The following ZNF814 variants were observed in gnomAD, a reference collection of about 807,000 sequenced individuals.
ZNF814 encodes zinc finger protein 814.
In ZNF814, 5 loss-of-function variants were observed where a neutral mutation model predicts 7.5. That is an observed-to-expected ratio of 0.67 (90% CI 0.35 to 1.40). ZNF814 has a LOEUF of 1.40. Ranked by LOEUF, ZNF814 falls within the 40% of genes most tolerant of loss-of-function variation. The probability of loss-of-function intolerance (pLI) is 0.04; values close to 1 mark genes in which losing one functional copy is unlikely to be tolerated. For missense variants in ZNF814, 962 were observed against 1,018.0 expected (o/e 0.94, Z 0.75); for synonymous variants, 315 against 340.7 (o/e 0.92, Z 0.83).
chr19:57,902,807 CCCA>C, the ZNF814 span, among the ~76,000 whole-genome samples: 1 of 151,710 alleles, frequency 6.6e-6, no homozygotes, highest in Non-Finnish European at 1.5e-5. Flanking sequence ...ACTACAGGCG[CCCA>C]CCACCATGCC....
Position 57,888,797 on chromosome 19 carries a change from A to C in ZNF814, c.6T>G (p.Ala2=), listed in dbSNP as rs1568522491. The change falls in exon 1 of 3, where the codon GCT becomes GCG. Residue 2 remains alanine, a synonymous_variant. Coordinates refer to ENST00000435989, the MANE Select transcript of ZNF814 (RefSeq NM_001144989.2). ...CGGAGAGCCTCAGCGTAGCCGCGGC[A>C]GCCATCGAACCACGTGGTTTTAAGC... M[A]AAATLRLSAQ... The C allele has an allele frequency of 6.4e-7, 1 of 1,551,946 alleles. No homozygotes were observed. Among genetic ancestry groups the C allele is most frequent in the South Asian group, 1.2e-5 (1 of 84,056 alleles).
chr19:57,876,131 G>A (rs2071605847), intron 2 of ZNF814, among the ~76,000 whole-genome samples: 2 of 151,672 alleles, frequency 1.3e-5, no homozygotes, highest in Admixed American at 1.3e-4. Flanking sequence ...ACTACTTTTT[G>A]TATTTTAGTA....
At position 57,873,746 on chromosome 19, in the gene ZNF814, A is replaced by T. The variant is rs752031491; in HGVS notation, c.1644T>A (p.Tyr548Ter). 1 of 1,613,348 alleles carries T rather than the reference A, an allele frequency of 6.2e-7. No homozygotes were observed. Among genetic ancestry groups the T allele is most frequent in the African/African-American group, 1.3e-5 (1 of 74,842 alleles). ...AAGATTTCCCACACTCTCCACACTC[A>T]TAAAGTCTGTCCCCAGTGTGAATTT... ...HQQIHTGDRL[Y>*]ECGECGKSFS... Residue 548 changes from tyrosine to a stop codon, truncating the protein, a stop_gained, in exon 3 of 3, where the codon TAT (tyrosine) becomes TAA (stop). Coordinates refer to ENST00000435989, the MANE Select transcript of ZNF814 (RefSeq NM_001144989.2). LOFTEE classifies it low-confidence loss of function (END_TRUNC).
intron 1 of ZNF814, among the ~76,000 whole-genome samples, chr19:57,887,509 G>GTT (rs2071702403): frequency 6.6e-6 from 1 of 152,168 alleles, no homozygotes; most frequent in Non-Finnish European, 1.5e-5. Context: ...TGTTCCTTGT[G>GTT]TTGTAATGCC....
At chr19:57,877,124 C>T (rs1347794479) in intron 1 of ZNF814, 82 bp from the exon 2 acceptor site, 23 of 1,567,814 alleles carry the variant, frequency 1.5e-5, no homozygotes, top group African/African-American at 8.1e-5. Flanking sequence ...CATCTACTCT[C>T]GCACATCCTC....
chr19:57,889,160 T>C (rs956487440), upstream of ZNF814: 13 of 412,710 alleles, frequency 3.1e-5, no homozygotes, highest in African/African-American at 2.0e-4. Flanking sequence ...CTGGGTAATG[T>C]AGTTCCCTAG....
chr19:57,891,318 G>A (rs1365735128), upstream of ZNF814, among the ~76,000 whole-genome samples: 1 of 152,132 alleles, frequency 6.6e-6, no homozygotes, highest in East Asian at 1.9e-4. Context: ...AAGGTCAGGA[G>A]ATCGAGACCA....
chr19:57,898,164 CT>C, the ZNF814 span, among the ~76,000 whole-genome samples: 9 of 152,174 alleles, frequency 5.9e-5, no homozygotes, highest in Middle Eastern at 3.2e-3. Context: ...GTAGGAGCTG[CT>C]TCAGAAGTTT....
intron 1 of ZNF814, among the ~76,000 whole-genome samples, chr19:57,880,425 A>T (rs1480131400): frequency 6.6e-6 from 1 of 150,526 alleles, no homozygotes; most frequent in Admixed American, 6.6e-5. Context: ...TGACCTTCTA[A>T]GTGTTTACAC....
At chr19:57,878,345 T>C (rs1015428661) in intron 1 of ZNF814, among the ~76,000 whole-genome samples, 1 of 152,020 alleles carries the variant, frequency 6.6e-6, no homozygotes, top group African/African-American at 2.4e-5. Flanking sequence ...GAGGATGCCA[T>C]TGACTTATTT....
rs2071548888 is a variant in ZNF814 at position 57,870,539 on chromosome 19, T to G, written c.*2283A>C. ...TGACCTTGAGGAGAACAGCCCAGAATGAGTACAGGAATTCACAAAACCTTT... is the reference window on the plus strand; with the variant it reads ...TGACCTTGAGGAGAACAGCCCAGAAGGAGTACAGGAATTCACAAAACCTTT... On this transcript the variant is annotated 3_prime_UTR_variant, in exon 3 of 3. Transcript: ENST00000435989. 1 of 152,198 alleles carries G rather than the reference T, an allele frequency of 6.6e-6. No individual in the cohort carries two copies. The highest frequency in any genetic ancestry group is 2.4e-5 in the African/African-American group (1 of 41,448). 9.4% of individuals were successfully genotyped at this position (152,198 alleles called of 1,614,324 possible).
At chr19:57,889,222 G>A, upstream of ZNF814, 1 of 390,920 alleles carries the variant, frequency 2.6e-6, no homozygotes, top group Non-Finnish European at 4.5e-6. Context: ...TGCAGGAAAA[G>A]CCCAGCTTCA....
intron 1 of ZNF814, among the ~76,000 whole-genome samples, chr19:57,877,252 T>C (rs2071614470): frequency 6.6e-6 from 1 of 151,930 alleles, no homozygotes; most frequent in Non-Finnish European, 1.5e-5. Context: ...GTCCACCCCC[T>C]CCTGACAGGC....
the ZNF814 span, among the ~76,000 whole-genome samples, chr19:57,904,730 G>A: frequency 6.6e-6 from 1 of 152,160 alleles, no homozygotes. Context: ...AATTGAAGGT[G>A]CTGTTTGTAG....
chr19:57,874,064 C>A lies in ZNF814; in HGVS notation c.1326G>T (p.Gly442=), dbSNP rs764772367. 8.1e-6 allele frequency: 13 copies of A among 1,609,118 alleles called. No individual in the cohort carries two copies. The highest frequency in any genetic ancestry group is 1.0e-5 in the Non-Finnish European group (12 of 1,177,754). The change falls in exon 3 of 3, where the codon GGG becomes GGT. Residue 442 remains glycine (G), a synonymous_variant. Transcript: ENST00000435989. ...GATGTCCTTCTGAACTAAAAGATTT[C>A]CCACATTCTTCACACCCATAAGGTT... ...GEKPYGCEEC[G]KSFSSEGHLR...
upstream of ZNF814, among the ~76,000 whole-genome samples, chr19:57,889,631 G>A (rs1284994386): frequency 1.3e-5 from 2 of 152,158 alleles, no homozygotes; most frequent in Non-Finnish European, 2.9e-5. Context: ...TTGGGAGGCC[G>A]AGGCAGGTGG....
At chr19:57,883,455 G>A (rs1266671991) in intron 1 of ZNF814, among the ~76,000 whole-genome samples, 2 of 151,576 alleles carry the variant, frequency 1.3e-5, no homozygotes, top group African/African-American at 2.4e-5. Context: ...GAGGTCAAGA[G>A]ATCGAGACTA....
intron 1 of ZNF814, among the ~76,000 whole-genome samples, chr19:57,888,224 T>C (rs75206541): frequency 0.015 from 2,224 of 152,288 alleles, 51 homozygotes; most frequent in African/African-American, 0.049. Flanking sequence ...TTGACTGACT[T>C]GGGGAGTGTC....
the ZNF814 span, among the ~76,000 whole-genome samples, chr19:57,900,839 A>ATTTTTTTTTTTTTTTTTTTTTTTTTT: frequency 5.9e-4 from 27 of 45,774 alleles, 9 homozygotes; most frequent in Non-Finnish European, 8.5e-4. Context: ...CCATGGCTGC[A>ATTTTTTTTTTTTTTTTTTTTTTTTTT]TTTTTTTTTT....
Sources: allele counts gnomAD v4.1 joint callset (sites outside exome capture counted in the v4.1 genomes callset), GRCh38; gene constraint gnomAD v4.1.1; transcripts MANE v1.5; gene names NCBI Gene and HGNC (gene_info 2026-07-23, HGNC 2026-07-21).